LHFPL3: variants seen among roughly 807,000 people sequenced by gnomAD.
LHFPL3 encodes LHFPL tetraspan subfamily member 3 protein.
LHFPL3 carries 5 observed loss-of-function variants against 19.3 expected under a neutral mutation model. That is an observed-to-expected ratio of 0.26 (90% CI 0.14 to 0.54). LHFPL3 has a LOEUF of 0.54. Among genes scored for constraint, LHFPL3 ranks in the 20% least tolerant of loss-of-function variants. LHFPL3 has a pLI of 0.94. For synonymous variants in LHFPL3, 133 were observed against 126.2 expected (o/e 1.05, Z -0.36); for missense variants, 249 against 307.4 (o/e 0.81, Z 1.42).
At chr7:104,515,069 G>T (rs1332121321) in intron 1 of LHFPL3, among the ~76,000 whole-genome samples, 1 of 152,112 alleles carries the variant, frequency 6.6e-6, no homozygotes, top group Admixed American at 6.6e-5. Flanking sequence ...TTTGCCTGCC[G>T]TTTCTCCCCA....
intron 1 of LHFPL3, among the ~76,000 whole-genome samples, chr7:104,634,517 G>C (rs1403138563): frequency 6.6e-6 from 1 of 152,098 alleles, no homozygotes; most frequent in Admixed American, 6.6e-5. Flanking sequence ...TACATTTTGG[G>C]CTCAAAGACA....
chr7:104,444,031 C>CAA (rs1334518491), intron 1 of LHFPL3, among the ~76,000 whole-genome samples: 1 of 152,174 alleles, frequency 6.6e-6, no homozygotes, highest in African/African-American at 2.4e-5. Flanking sequence ...TTGGCACAGC[C>CAA]TTTGGGCATT....
chr7:104,557,745 G>T (rs1380730253), intron 1 of LHFPL3, among the ~76,000 whole-genome samples: 1 of 151,244 alleles, frequency 6.6e-6, no homozygotes, highest in African/African-American at 2.4e-5. Flanking sequence ...AGTTACATAT[G>T]TATACATGTG....
intron 2 of LHFPL3, among the ~76,000 whole-genome samples, chr7:104,833,132 A>G (rs1212467357): frequency 8.2e-5 from 8 of 97,816 alleles, no homozygotes; most frequent in African/African-American, 3.3e-4. Context: ...ATATATATAT[A>G]TACACTCCTC....
chr7:104,457,659 T>C (rs1425351713), intron 1 of LHFPL3, among the ~76,000 whole-genome samples: 3 of 147,178 alleles, frequency 2.0e-5, no homozygotes, highest in African/African-American at 7.7e-5. Context: ...CAAATGGTAT[T>C]TCTAGTTCTA....
chr7:104,748,053 C>T (rs923583448), intron 2 of LHFPL3, among the ~76,000 whole-genome samples: 5 of 151,774 alleles, frequency 3.3e-5, no homozygotes, highest in Non-Finnish European at 2.9e-5. Flanking sequence ...ATGACCTTAC[C>T]CCCAACCCCG....
intron 1 of LHFPL3, among the ~76,000 whole-genome samples, chr7:104,632,898 G>T (rs1791668661): frequency 6.6e-6 from 1 of 152,164 alleles, no homozygotes; most frequent in African/African-American, 2.4e-5. Flanking sequence ...CAAGCAATCT[G>T]CCCACCTTGG....
chr7:104,475,583 C>T (rs1277009527), intron 1 of LHFPL3, among the ~76,000 whole-genome samples: 2 of 151,920 alleles, frequency 1.3e-5, no homozygotes, highest in East Asian at 1.9e-4. Context: ...TTGAGATGGT[C>T]GATTTTTTAA....
At chr7:104,547,583 A>G (rs1794597632) in intron 1 of LHFPL3, among the ~76,000 whole-genome samples, 1 of 152,166 alleles carries the variant, frequency 6.6e-6, no homozygotes, top group Non-Finnish European at 1.5e-5. Flanking sequence ...GTGCATGTGT[A>G]TCCTATATAA....
intron 1 of LHFPL3, among the ~76,000 whole-genome samples, chr7:104,624,769 G>C (rs546398937): frequency 6.6e-6 from 1 of 152,182 alleles, no homozygotes; most frequent in African/African-American, 2.4e-5. Context: ...AGAATGGCAG[G>C]TTGAGATCTA....
chr7:104,823,151 T>TATC (rs1312770596), intron 2 of LHFPL3, among the ~76,000 whole-genome samples: 1 of 152,294 alleles, frequency 6.6e-6, no homozygotes, highest in Non-Finnish European at 1.5e-5. Context: ...TGGAGAATGT[T>TATC]ATCAATAGCT....
At chr7:104,860,432 A>C (rs145329413) in intron 2 of LHFPL3, among the ~76,000 whole-genome samples, 76 of 152,246 alleles carry the variant, frequency 5.0e-4, no homozygotes, top group African/African-American at 1.8e-3. Flanking sequence ...ACCGCTAATA[A>C]AGGGAGCTCA....
chr7:104,866,933 T>C (rs929958172), intron 2 of LHFPL3, among the ~76,000 whole-genome samples: 97 of 152,188 alleles, frequency 6.4e-4, no homozygotes, highest in African/African-American at 2.3e-3. Flanking sequence ...CACTCAAAAC[T>C]GCTCAACTAC....
chr7:104,848,831 G>A (rs1461578023), intron 2 of LHFPL3, among the ~76,000 whole-genome samples: 4 of 152,118 alleles, frequency 2.6e-5, no homozygotes, highest in East Asian at 1.9e-4. Context: ...ATCAGCATGC[G>A]AATATGCCAA....
chr7:104,538,920 C>G (rs1416819934), intron 1 of LHFPL3, among the ~76,000 whole-genome samples: 1 of 152,178 alleles, frequency 6.6e-6, no homozygotes, highest in Non-Finnish European at 1.5e-5. Context: ...AGAACCTTTC[C>G]TGTTGGAGTT....
chr7:104,520,176 A>G (rs1387289369), intron 1 of LHFPL3, among the ~76,000 whole-genome samples: 2 of 152,080 alleles, frequency 1.3e-5, no homozygotes, highest in East Asian at 3.8e-4. Flanking sequence ...AATTTTGTCA[A>G]AGGCCTTTTC....
chr7:104,526,206 A>G (rs1490735335), intron 1 of LHFPL3, among the ~76,000 whole-genome samples: 1 of 152,202 alleles, frequency 6.6e-6, no homozygotes, highest in Non-Finnish European at 1.5e-5. Flanking sequence ...AACTACCACC[A>G]GAAATTCTAA....
At chr7:104,823,129 G>A (rs1306498873) in intron 2 of LHFPL3, among the ~76,000 whole-genome samples, 1 of 152,206 alleles carries the variant, frequency 6.6e-6, no homozygotes, top group Non-Finnish European at 1.5e-5. Context: ...GAAGGCCCGA[G>A]AATGAAACAT....
At chr7:104,845,517 T>G (rs191789571) in intron 2 of LHFPL3, 725 of 1,466,022 alleles carry the variant, frequency 4.9e-4, no homozygotes, top group Middle Eastern at 3.6e-3. Flanking sequence ...TGTTTTCTGA[T>G]TCCCGCTTTC....
Sources: allele counts gnomAD v4.1 joint callset (sites outside exome capture counted in the v4.1 genomes callset), GRCh38; gene constraint gnomAD v4.1.1; transcripts MANE v1.5; gene names NCBI Gene and HGNC (gene_info 2026-07-23, HGNC 2026-07-21).